WDFY1: variants seen among roughly 807,000 people sequenced by gnomAD.
The protein encoded by WDFY1 is WD repeat and FYVE domain containing 1.
WDFY1 carries 32 observed loss-of-function variants against 56.4 expected under a neutral mutation model. That is an observed-to-expected ratio of 0.57 (90% CI 0.43 to 0.76). The LOEUF (loss-of-function observed/expected upper bound fraction) is 0.76, where lower values mean the gene tolerates loss of function less well. Among genes scored for constraint, WDFY1 ranks in the 30% least tolerant of loss-of-function variants. The probability of loss-of-function intolerance (pLI) is 0.00; values close to 1 mark genes in which losing one functional copy is unlikely to be tolerated. For synonymous variants in WDFY1, 192 were observed against 197.3 expected (o/e 0.97, Z 0.23); for missense variants, 480 against 545.7 (o/e 0.88, Z 1.20).
intron 1 of WDFY1, among the ~76,000 whole-genome samples, chr2:223,942,669 G>C (rs1158726264): frequency 7.1e-6 from 1 of 141,736 alleles, no homozygotes; most frequent in East Asian, 2.1e-4. Context: ...CCCAGTAGCT[G>C]GGACTACAGG....
At position 223,877,026 on chromosome 2, in the gene WDFY1, T is replaced by C. The variant is rs542113887; in HGVS notation, c.*1645A>G. 1.7e-4 allele frequency: 26 copies of C among 152,350 alleles called. No homozygotes were observed. In the South Asian group the frequency reaches 5.2e-3, roughly 30 times the overall value. The allele number at this position is 152,350 out of a possible 1,614,324, so 9.4% of individuals were successfully genotyped here. Reference sequence around the variant, plus strand: ...TTTTAAAAGAAATCTCTTTAGGTGATGTAACACGAAAACTCTAAGGAACAA... The same window carrying C: ...TTTTAAAAGAAATCTCTTTAGGTGACGTAACACGAAAACTCTAAGGAACAA... On this transcript the variant is annotated 3_prime_UTR_variant, in exon 12 of 12. Coordinates refer to ENST00000233055, the MANE Select transcript of WDFY1 (RefSeq NM_020830.5).
intron 1 of WDFY1, among the ~76,000 whole-genome samples, chr2:223,924,897 G>T (rs1693952917): frequency 6.6e-6 from 1 of 152,154 alleles, no homozygotes; most frequent in South Asian, 2.1e-4. Context: ...TATTTGGCAA[G>T]AATTTTGCTC....
chr2:223,917,278 T>C (rs1693804250), intron 2 of WDFY1, among the ~76,000 whole-genome samples: 1 of 152,226 alleles, frequency 6.6e-6, no homozygotes, highest in Admixed American at 6.5e-5. Context: ...AAGGTAGTCA[T>C]GACGCTATGG....
intron 3 of WDFY1, among the ~76,000 whole-genome samples, chr2:223,909,995 C>T (rs1171698291): frequency 6.6e-6 from 1 of 152,206 alleles, no homozygotes; most frequent in East Asian, 1.9e-4. Flanking sequence ...CAAGACCTTG[C>T]ATGACCCGGC....
At position 223,876,779 on chromosome 2, in the gene WDFY1, T is replaced by C. The variant is rs891093981; in HGVS notation, c.*1892A>G. On this transcript the variant is annotated 3_prime_UTR_variant, in exon 12 of 12. Transcript: ENST00000233055. ...TCAAAGGAAAACAAAACCACAGTTCTGCACTCTTCCACAGGGCAAGGAATT... is the reference window on the plus strand; with the variant it reads ...TCAAAGGAAAACAAAACCACAGTTCCGCACTCTTCCACAGGGCAAGGAATT... 1 of 152,216 alleles carries C rather than the reference T, an allele frequency of 6.6e-6. No individual in the cohort carries two copies. Among genetic ancestry groups the C allele is most frequent in the South Asian group, 2.1e-4 (1 of 4,832 alleles). The allele number at this position is 152,216 out of a possible 1,614,324, so 9.4% of individuals were successfully genotyped here.
At chr2:223,925,138 T>C (rs1378532797) in intron 1 of WDFY1, among the ~76,000 whole-genome samples, 1 of 151,916 alleles carries the variant, frequency 6.6e-6, no homozygotes, top group Non-Finnish European at 1.5e-5. Context: ...TTCAATAGCT[T>C]ATATAATCAT....
intron 5 of WDFY1, among the ~76,000 whole-genome samples, chr2:223,900,146 T>C (rs1693480289): frequency 6.6e-6 from 1 of 152,226 alleles, no homozygotes; most frequent in Admixed American, 6.5e-5. Context: ...GTAGGATAAC[T>C]ATCACTCTTC....
chr2:223,890,856 C>T lies in WDFY1; in HGVS notation c.831+3378G>A, dbSNP rs114331540. ...AGATTCATTCTAATTATTGTTACTT[C>T]CTCATTTATATTTTGTGCCTACTTC... On this transcript the variant is annotated intron_variant, in intron 8 of 11. Transcript: ENST00000233055. Among the ~76,000 whole-genome samples the T allele has an allele frequency of 4.9e-3, 743 of 152,280 alleles. 3 individuals carry two copies. Among genetic ancestry groups the T allele is most frequent in the Non-Finnish European group, 7.8e-3 (532 of 68,020 alleles).
intron 1 of WDFY1, among the ~76,000 whole-genome samples, chr2:223,932,716 C>T (rs1694099464): frequency 1.3e-5 from 2 of 152,004 alleles, no homozygotes; most frequent in Non-Finnish European, 2.9e-5. Flanking sequence ...CTTTTAAACT[C>T]TGGGCAAACA....
At chr2:223,910,665 T>G (rs970874830) in intron 3 of WDFY1, among the ~76,000 whole-genome samples, 1 of 152,076 alleles carries the variant, frequency 6.6e-6, no homozygotes, top group African/African-American at 2.4e-5. Flanking sequence ...ACATCACTAG[T>G]CATTAGGAAA....
intron 1 of WDFY1, among the ~76,000 whole-genome samples, chr2:223,936,042 T>C (rs1238474188): frequency 6.8e-6 from 1 of 147,518 alleles, no homozygotes; most frequent in African/African-American, 2.5e-5. Flanking sequence ...GGAGCAGTTA[T>C]GGGGTTCCCA....
chr2:223,882,081 G>A lies in WDFY1; in HGVS notation c.934-9C>T, dbSNP rs372650446. On this transcript the variant is annotated splice_polypyrimidine_tract_variant and intron_variant, in intron 9 of 11. Transcript: ENST00000233055. ...CATTTCCTGCAGTGATGCTTCACAG[G>A]TGACCGGGAGGAGGAAAACAGGGTG... 28 of 1,611,692 alleles carry A rather than the reference G, an allele frequency of 1.7e-5. No homozygotes were observed. The highest frequency in any genetic ancestry group is 1.2e-4 in the African/African-American group (9 of 74,846).
intron 1 of WDFY1, among the ~76,000 whole-genome samples, chr2:223,920,024 T>C (rs1693863115): frequency 6.6e-6 from 1 of 152,224 alleles, no homozygotes; most frequent in Non-Finnish European, 1.5e-5. Flanking sequence ...AAGGGCATGA[T>C]AAGACCTTCG....
chr2:223,918,791 G>A (rs1693838469), intron 1 of WDFY1, among the ~76,000 whole-genome samples: 1 of 152,162 alleles, frequency 6.6e-6, no homozygotes, highest in Non-Finnish European at 1.5e-5. Context: ...GAGGCTCATG[G>A]AGGAGTGGCA....
chr2:223,929,264 T>C (rs539745485), intron 1 of WDFY1, among the ~76,000 whole-genome samples: 10 of 150,708 alleles, frequency 6.6e-5, no homozygotes, highest in Non-Finnish European at 1.5e-5. Context: ...CTCTTCTCAC[T>C]GCAACCTCCG....
chr2:223,894,409 T>C (rs978641908), intron 7 of WDFY1, 70 bp from the exon 8 acceptor site: 35 of 1,484,552 alleles, frequency 2.4e-5, no homozygotes, highest in Non-Finnish European at 3.1e-5. Flanking sequence ...TCATTTAGGC[T>C]CAAATTGCTC....
chr2:223,901,533 G>A (rs678370), intron 4 of WDFY1, among the ~76,000 whole-genome samples, 200 bp from the exon 5 acceptor site: 2 of 152,270 alleles, frequency 1.3e-5, no homozygotes, highest in Admixed American at 6.5e-5. Context: ...TCTCCAAGGC[G>A]GTGCCCTCTG....
chr2:223,884,562 AGT>A, intron 9 of WDFY1, 84 bp downstream of exon 9: 1 of 1,280,018 alleles, frequency 7.8e-7, no homozygotes, highest in African/African-American at 1.5e-5. Context: ...GCAAAAACAA[AGT>A]GTGTTTCAAA....
intron 1 of WDFY1, among the ~76,000 whole-genome samples, chr2:223,929,954 G>A (rs961562151): frequency 1.3e-5 from 2 of 152,132 alleles, no homozygotes; most frequent in South Asian, 4.1e-4. Context: ...TTTTTTAAAG[G>A]CTTTTTAGAA....
Sources: gnomAD v4.1 joint callset for allele counts (sites outside exome capture counted in the v4.1 genomes callset) on GRCh38, gnomAD v4.1.1 for gene constraint, MANE v1.5 for transcripts, NCBI Gene and HGNC (gene_info 2026-07-23, HGNC 2026-07-21) for gene names.